STXBP5L: variants seen among roughly 807,000 people sequenced by gnomAD.
STXBP5L encodes the protein syntaxin binding protein 5L, also known as syntaxin-binding protein 5-like.
In STXBP5L, 65 loss-of-function variants were observed where a neutral mutation model predicts 144.5. The observed-to-expected ratio is 0.45, with a 90% confidence interval of 0.37 to 0.55. STXBP5L has a LOEUF of 0.55. Among genes scored for constraint, STXBP5L ranks in the 20% least tolerant of loss-of-function variants. The pLI, the probability that STXBP5L is intolerant of heterozygous loss-of-function variation, is 0.00. For missense variants in STXBP5L, 1,298 were observed against 1,405.5 expected (o/e 0.92, Z 1.22); for synonymous variants, 505 against 469.6 (o/e 1.08, Z -0.97).
At chr3:121,247,686 T>C (rs1577298886) in intron 14 of STXBP5L, among the ~76,000 whole-genome samples, 1 of 152,258 alleles carries the variant, frequency 6.6e-6, no homozygotes, top group South Asian at 2.1e-4. Flanking sequence ...TATTCCATGG[T>C]ATATATGTAC....
chr3:121,380,033 T>TGCCC (rs1396672851), intron 21 of STXBP5L, among the ~76,000 whole-genome samples: 2 of 152,076 alleles, frequency 1.3e-5, no homozygotes, highest in Admixed American at 6.6e-5. Context: ...AGTGTCTCAC[T>TGCCC]AAGTTGCCCA....
chr3:121,360,130 T>G (rs2108636497), intron 20 of STXBP5L, among the ~76,000 whole-genome samples: 1 of 149,412 alleles, frequency 6.7e-6, no homozygotes, highest in East Asian at 1.9e-4. Flanking sequence ...TCTTGCTGAA[T>G]TGACCCCTTC....
At chr3:121,342,650 TCCA>T (rs888778542) in intron 20 of STXBP5L, among the ~76,000 whole-genome samples, 49 of 151,812 alleles carry the variant, frequency 3.2e-4, no homozygotes, top group African/African-American at 9.7e-4. Context: ...TCCAATTTCA[TCCA>T]TGTCCCTACA....
chr3:120,951,047 T>G (rs1239010819), intron 2 of STXBP5L, among the ~76,000 whole-genome samples: 5 of 152,070 alleles, frequency 3.3e-5, no homozygotes, highest in African/African-American at 1.2e-4. Context: ...AAACAAGCAA[T>G]GGGGAAAGGA....
chr3:121,250,582 G>C (rs1471430693), intron 14 of STXBP5L, 141 bp from the exon 15 acceptor site: 4 of 660,158 alleles, frequency 6.1e-6, no homozygotes, highest in African/African-American at 5.6e-5. Context: ...CTTAGAAATG[G>C]TTTAGCATAC....
intron 3 of STXBP5L, among the ~76,000 whole-genome samples, chr3:120,991,519 G>A (rs1338800312): frequency 6.6e-6 from 1 of 152,216 alleles, no homozygotes; most frequent in Non-Finnish European, 1.5e-5. Flanking sequence ...CTACTATAAA[G>A]ACACATGCAC....
chr3:121,007,526 G>A (rs1944429365), intron 3 of STXBP5L, among the ~76,000 whole-genome samples: 1 of 151,812 alleles, frequency 6.6e-6, no homozygotes, highest in Admixed American at 6.6e-5. Context: ...TTTTTTCTTG[G>A]AAAGTTTTAA....
At chr3:121,036,504 T>A (rs1946762662) in intron 3 of STXBP5L, among the ~76,000 whole-genome samples, 1 of 152,184 alleles carries the variant, frequency 6.6e-6, no homozygotes, top group Admixed American at 6.6e-5. Context: ...ATAGTACTTC[T>A]AGTATCTAGC....
chr3:121,404,375 C>T (rs867273001), intron 22 of STXBP5L, among the ~76,000 whole-genome samples: 4 of 152,226 alleles, frequency 2.6e-5, no homozygotes, highest in East Asian at 1.9e-4. Flanking sequence ...CCATTTTTCA[C>T]GCACACTAAT....
chr3:121,078,761 G>A (rs2042131733), intron 5 of STXBP5L, among the ~76,000 whole-genome samples: 1 of 152,254 alleles, frequency 6.6e-6, no homozygotes, highest in African/African-American at 2.4e-5. Flanking sequence ...AGCACTGCTG[G>A]GGGACCCAGT....
chr3:121,248,731 A>T (rs1425949374), intron 14 of STXBP5L, among the ~76,000 whole-genome samples: 1 of 152,110 alleles, frequency 6.6e-6, no homozygotes, highest in African/African-American at 2.4e-5. Flanking sequence ...GGCTGATATC[A>T]AGAAGAGTAT....
rs1294887098 is a variant in STXBP5L, at chr3:120,953,577, A to G, written c.190-1363A>G. Among the ~76,000 whole-genome samples, 5 of 151,104 alleles carry G rather than the reference A, an allele frequency of 3.3e-5. No individual in the cohort carries two copies. In the East Asian group the frequency reaches 5.9e-4, roughly 18 times the overall value. On this transcript the variant is annotated intron_variant, in intron 2 of 26. Coordinates refer to ENST00000471454, the MANE Select transcript of STXBP5L (RefSeq NM_001308330.2). ...GGTTTTGAACTCCTGAACTCAAGCA[A>G]TCCTCCTGCTTTGGCCTCCCAAAGT...
At chr3:121,257,954 A>C (rs2050261894) in intron 17 of STXBP5L, among the ~76,000 whole-genome samples, 1 of 152,170 alleles carries the variant, frequency 6.6e-6, no homozygotes, top group Non-Finnish European at 1.5e-5. Flanking sequence ...TTTTTAAAGA[A>C]GTATGTTTAT....
chr3:121,269,581 C>G (rs985833543), intron 18 of STXBP5L, among the ~76,000 whole-genome samples: 11 of 152,130 alleles, frequency 7.2e-5, no homozygotes, highest in African/African-American at 2.7e-4. Flanking sequence ...GCAGATGGTA[C>G]TTGCATGTGC....
intron 11 of STXBP5L, among the ~76,000 whole-genome samples, chr3:121,231,673 G>T (rs1468080658): frequency 6.6e-6 from 1 of 152,140 alleles, no homozygotes; most frequent in East Asian, 1.9e-4. Flanking sequence ...CTGCAATGTG[G>T]TACTTATGGA....
intron 7 of STXBP5L, among the ~76,000 whole-genome samples, chr3:121,129,906 G>C (rs1251589912): frequency 1.3e-5 from 2 of 152,000 alleles, no homozygotes; most frequent in African/African-American, 2.4e-5. Flanking sequence ...GAGGGTCTTA[G>C]GGTCTGGGGC....
At chr3:120,959,352 A>G (rs1232077122) in intron 3 of STXBP5L, among the ~76,000 whole-genome samples, 1 of 152,202 alleles carries the variant, frequency 6.6e-6, no homozygotes, top group Non-Finnish European at 1.5e-5. Flanking sequence ...ATTCAATGCC[A>G]TCCCCATCAA....
At chr3:120,955,593 T>A (rs1937936789) in intron 3 of STXBP5L, among the ~76,000 whole-genome samples, 2 of 152,070 alleles carry the variant, frequency 1.3e-5, no homozygotes, top group South Asian at 4.1e-4. Context: ...TTTGAGATAA[T>A]TAATTGTAGA....
chr3:121,324,169 A>G (rs2044069399), intron 20 of STXBP5L, among the ~76,000 whole-genome samples: 1 of 152,136 alleles, frequency 6.6e-6, no homozygotes, highest in African/African-American at 2.4e-5. Context: ...AATATCATAG[A>G]GGTTAGTCAC....
Sources: gnomAD v4.1 joint callset for allele counts (sites outside exome capture counted in the v4.1 genomes callset) on GRCh38, gnomAD v4.1.1 for gene constraint, MANE v1.5 for transcripts, NCBI Gene and HGNC (gene_info 2026-07-23, HGNC 2026-07-21) for gene names.